FHIP2B: variants seen among roughly 807,000 people sequenced by gnomAD.
The protein encoded by FHIP2B is FHF complex subunit HOOK-interacting protein 2B.
In FHIP2B, 72 loss-of-function variants were observed where a neutral mutation model predicts 84.0. The observed-to-expected ratio is 0.86, with a 90% CI of 0.71 to 1.04. The LOEUF (loss-of-function observed/expected upper bound fraction) is 1.04. FHIP2B is among the 50% of genes least tolerant of loss of function. The pLI is 0.00. For missense variants in FHIP2B, 972 were observed against 968.9 expected, an observed-to-expected ratio of 1.00 and a Z score of -0.04; for synonymous variants, 497 against 418.7, an observed-to-expected ratio of 1.19 and a Z score of -2.28.
At chr8:22,100,187 G>C (rs1826026495) in intron 10 of FHIP2B, 1 of 425,006 alleles carries the variant, frequency 2.4e-6, no homozygotes, top group Non-Finnish European at 4.1e-6. Flanking sequence ...TCTCACCTCA[G>C]CCTCCTAAAG....
In FHIP2B at chr8:22,103,237, T is replaced by G; in HGVS notation, c.*306T>G. On this transcript the variant is annotated 3_prime_UTR_variant, in exon 17 of 17. Coordinates refer to ENST00000289921, the MANE Select transcript of FHIP2B (RefSeq NM_022749.7). The stretch of plus-strand genomic sequence containing the variant: ...TGTGCTGTGTGCCTGGCCCCTTCTG[T>G]ACTGGCCATTTGTGGCCAGGGCCAA... The G allele has an allele frequency of 2.8e-6, 1 of 352,462 alleles. No individual in the cohort carries two copies. 21.8% of individuals were successfully genotyped at this position (352,462 alleles called of 1,614,324 possible).
At chr8:22,101,048 C>T (rs1012133983) in intron 12 of FHIP2B, 76 bp downstream of exon 12, 2 of 1,504,886 alleles carry the variant, frequency 1.3e-6, no homozygotes, top group Non-Finnish European at 1.8e-6. Flanking sequence ...TAGAGTCTCG[C>T]TCCGTCACCC....
At position 22,098,658 on chromosome 8, in the gene FHIP2B, G is replaced by T. The variant is rs1194456183; in HGVS notation, c.965+39G>T. On this transcript the variant is annotated intron_variant, in intron 7 of 16. Transcript: ENST00000289921. ...CCGGGAAGGCCGGCCAGCATCTTCA[G>T]TTGCTGGCAGCCCTGCCTGTCTTTG... is the stretch of plus-strand genomic sequence containing the variant. The T allele has an allele frequency of 2.0e-6, 3 of 1,498,124 alleles. No homozygotes were observed. The East Asian group carries it at 7.4e-5, about 37-fold the overall frequency. The allele number at this position is 1,498,124 out of a possible 1,614,324, so 92.8% of individuals were successfully genotyped here.
intron 12 of FHIP2B, 48 bp from the exon 13 acceptor site, chr8:22,101,392 A>C (rs895906302): frequency 2.1e-6 from 3 of 1,457,796 alleles, no homozygotes; most frequent in Non-Finnish European, 2.8e-6. Context: ...CAAGCAGGGG[A>C]GAGCAGGGTG....
At position 22,099,284 on chromosome 8, in the gene FHIP2B, G is replaced by C; in HGVS notation, c.1075G>C (p.Val359Leu). Residue 359 changes from valine to leucine, a missense_variant and splice_region_variant, in exon 9 of 17, where the codon GTG (valine) becomes CTG (leucine). Transcript: ENST00000289921. ...CACATTGGCGCTCTCTGGCACCCAG[G>C]TGGTTGCGGACGCCTTGGCGAAGGC... The part of the protein sequence containing the change: ...CDHLITEAHT[V>L]VADALAKAVA... The C allele has an allele frequency of 6.2e-7, 1 of 1,613,698 alleles. No homozygotes were observed. Among genetic ancestry groups the C allele is most frequent in the Non-Finnish European group, 8.5e-7 (1 of 1,179,834 alleles).
intron 1 of FHIP2B, chr8:22,089,752 A>C: frequency 7.9e-7 from 1 of 1,263,300 alleles, no homozygotes; most frequent in South Asian, 1.3e-5. Context: ...CCTCGGTCTG[A>C]TCTCCCAGAC....
rs921486641 is a variant in FHIP2B at position 22,097,899 on chromosome 8, C to G, written c.525+60C>G. On this transcript the variant is annotated intron_variant, in intron 5 of 16. Transcript: ENST00000289921. The stretch of plus-strand genomic sequence containing the variant: ...CCCAGAACCCCAGGGCAAGCCCCCT[C>G]TGCCCTCCTGAGGAGGCAGAAGCAG... 1.9e-6 allele frequency: 3 copies of G among 1,591,728 alleles called. No individual in the cohort carries two copies. In the African/African-American group the frequency reaches 4.0e-5, roughly 21 times the overall value.
In FHIP2B at chr8:22,102,278, C is replaced by T. The variant is rs751102552; in HGVS notation, c.1955C>T (p.Ala652Val). The change falls in exon 15 of 17, where the codon GCC becomes GTC. Residue 652 changes from alanine (A) to valine (V), a missense_variant. Physicochemically the swap from Ala to Val is moderately conservative, Grantham distance 64 (BLOSUM62 0). Transcript: ENST00000289921. ...CTGCTGGATCCGTACATCAGCCTGG[C>T]CCCCGGCTGCAGGAGCCTATTCTCC... ...EYLLDPYISL[A>V]PGCRSLFSVL... 2.9e-5 allele frequency: 47 copies of T among 1,612,834 alleles called. No homozygotes were observed. Among genetic ancestry groups the T allele is most frequent in the Non-Finnish European group, 3.7e-5 (44 of 1,179,874 alleles).
chr8:22,102,068 C>T (rs1190262730), intron 14 of FHIP2B, 107 bp from the exon 15 acceptor site: 3 of 1,586,904 alleles, frequency 1.9e-6, no homozygotes, highest in South Asian at 1.1e-5. Context: ...ATCACGTGAG[C>T]CTCCCACCCC....
At position 22,102,542 on chromosome 8, in the gene FHIP2B, G is replaced by C; in HGVS notation, c.2007G>C (p.Leu669Phe). The C allele has an allele frequency of 6.4e-7, 1 of 1,559,010 alleles. No individual in the cohort carries two copies. The highest frequency in any genetic ancestry group is 1.9e-5 in the Admixed American group (1 of 51,770). ...FSVLVRVIGD[L>F]MQRIQRVPQF... ...TCCCGCTGTAGGTGATCGGGGACTT[G>C]ATGCAGAGAATCCAGAGGGTACCCC... The change falls in exon 16 of 17, where the codon TTG (leucine) becomes TTC (phenylalanine). Residue 669 changes from leucine (L) to phenylalanine (F), a missense_variant. By Grantham distance (22) the Leu-to-Phe change is conservative (BLOSUM62 0). Coordinates refer to ENST00000289921, the MANE Select transcript of FHIP2B (RefSeq NM_022749.7).
Position 22,103,260 on chromosome 8 carries a change from C to T in FHIP2B, c.*329C>T, listed in dbSNP as rs569919737. ...TGTACTGGCCATTTGTGGCCAGGGCCAAGCCTGTGACTCAACTCCAGGGGC... is the reference window on the plus strand; with the variant it reads ...TGTACTGGCCATTTGTGGCCAGGGCTAAGCCTGTGACTCAACTCCAGGGGC... On this transcript the variant is annotated 3_prime_UTR_variant, in exon 17 of 17. Coordinates refer to ENST00000289921, the MANE Select transcript of FHIP2B (RefSeq NM_022749.7). 2.2e-5 allele frequency: 6 copies of T among 273,754 alleles called. No homozygotes were observed. In the South Asian group the frequency reaches 3.9e-4, roughly 18 times the overall value. 17.0% of individuals were successfully genotyped at this position (273,754 alleles called of 1,614,324 possible). A position where few individuals can be genotyped will look rare whatever the true frequency, so the allele number is the denominator to read the frequency against.
chr8:22,096,738 G>A, intron 3 of FHIP2B: 1 of 531,866 alleles, frequency 1.9e-6, no homozygotes, highest in Non-Finnish European at 3.1e-6. Flanking sequence ...TGGCAGTTCG[G>A]GCGAGAGGAG....
At position 22,098,963 on chromosome 8, in the gene FHIP2B, G is replaced by A. The variant is rs747586430; in HGVS notation, c.981G>A (p.Pro327=). 29 of 1,605,646 alleles carry A rather than the reference G, an allele frequency of 1.8e-5. No homozygotes were observed. Among genetic ancestry groups the A allele is most frequent in the East Asian group, 8.9e-5 (4 of 44,788 alleles). The part of the protein sequence containing the change: ...EGISWRLPSA[P]SDEASFPGKE... ...CTTCCTTCAGGTTACCCAGTGCCCC[G>A]TCTGATGAGGCTTCCTTCCCTGGCA... is the stretch of plus-strand genomic sequence containing the variant. Residue 327 remains proline (P), a synonymous_variant, in exon 8 of 17, where the codon CCG becomes CCA. Transcript: ENST00000289921.
chr8:22,100,629 G>C lies in FHIP2B; in HGVS notation c.1377G>C (p.Leu459=), dbSNP rs1826052914. ...SITTLRLFEE[L]LQKPHEGIIH... is the part of the protein sequence containing the mutation. ...CCACACTCCGGCTGTTTGAGGAGCT[G>C]CTGCAGAAGCCCCACGAGGGGATCA... is the stretch of plus-strand genomic sequence containing the variant. The change falls in exon 11 of 17, where the codon CTG becomes CTC. Residue 459 remains leucine (L), a synonymous_variant. Transcript: ENST00000289921. 1 of 1,587,764 alleles carries C rather than the reference G, an allele frequency of 6.3e-7. No homozygotes were observed. The highest frequency in any genetic ancestry group is 1.4e-5 in the African/African-American group (1 of 74,022).
chr8:22,089,912 T>C, intron 1 of FHIP2B: 1 of 1,147,658 alleles, frequency 8.7e-7, no homozygotes, highest in Non-Finnish European at 1.2e-6. Context: ...TTCTATTGGG[T>C]GCAGATGTTT....
intron 10 of FHIP2B, 150 bp downstream of exon 10, chr8:22,100,043 C>G (rs1305664339): frequency 4.4e-5 from 32 of 724,214 alleles, no homozygotes; most frequent in East Asian, 3.2e-5. Context: ...TTATCACACA[C>G]TAATTTTCTA....
chr8:22,096,150 G>A, intron 2 of FHIP2B, 187 bp from the exon 3 acceptor site: 1 of 579,896 alleles, frequency 1.7e-6, no homozygotes, highest in Non-Finnish European at 3.0e-6. Context: ...AGCCTGGAAG[G>A]ACTTTTGTCT....
chr8:22,100,973 G>A lies in FHIP2B; in HGVS notation c.1616+1G>A, dbSNP rs764586463. The A allele has an allele frequency of 1.8e-5, 29 of 1,613,548 alleles. No homozygotes were observed. In the South Asian group the frequency reaches 3.2e-4, roughly 18 times the overall value. On this transcript the variant is annotated splice_donor_variant, in intron 12 of 16. Transcript: ENST00000289921. LOFTEE classifies it high-confidence loss of function. ...CAGCAGTGACCGAGATCGTCAACAGGTGGGGAGCAAGTTAGGCAGTCTGAA... is the reference window on the plus strand; with the variant it reads ...CAGCAGTGACCGAGATCGTCAACAGATGGGGAGCAAGTTAGGCAGTCTGAA...
Position 22,098,545 on chromosome 8 carries a change from T to C in FHIP2B, c.891T>C (p.Leu297=). 1 of 1,612,308 alleles carries C rather than the reference T, an allele frequency of 6.2e-7. No homozygotes were observed. The highest frequency in any genetic ancestry group is 8.5e-7 in the Non-Finnish European group (1 of 1,179,328). Residue 297 remains leucine, a synonymous_variant, in exon 7 of 17, where the codon CTT becomes CTC. Coordinates refer to ENST00000289921, the MANE Select transcript of FHIP2B (RefSeq NM_022749.7). The stretch of plus-strand genomic sequence containing the variant: ...GCTGCCCTGCGATCGTCCGGCACCT[T>C]TGCCAGTTGTACCGGTCCATGCCTG... ...SACCPAIVRH[L]CQLYRSMPVF... is the part of the protein sequence containing the mutation.
Sources: allele counts gnomAD v4.1 joint callset, GRCh38; gene constraint gnomAD v4.1.1; transcripts MANE v1.5; gene names NCBI Gene and HGNC (gene_info 2026-07-23, HGNC 2026-07-21).